The following SYT1 variants were observed in gnomAD, a reference collection of about 807,000 sequenced individuals.
SYT1 encodes the protein synaptotagmin 1.
In SYT1, 8 loss-of-function variants were observed where a neutral mutation model predicts 44.8. That is an observed-to-expected ratio of 0.18 (90% CI 0.10 to 0.32). The LOEUF is 0.32. SYT1 is among the 10% of genes least tolerant of loss of function. SYT1 has a pLI of 1.00. For synonymous variants in SYT1, 154 were observed against 188.8 expected, an observed-to-expected ratio of 0.82 and a Z score of 1.51; for missense variants, 286 against 509.3, an observed-to-expected ratio of 0.56 and a Z score of 4.22.
intron 3 of SYT1, among the ~76,000 whole-genome samples, chr12:79,112,968 C>A (rs1041579927): frequency 1.5e-4 from 23 of 152,154 alleles, no homozygotes; most frequent in Non-Finnish European, 2.2e-4. Flanking sequence ...ATAAAAGTTT[C>A]TTTAGACTCA....
intron 1 of SYT1, among the ~76,000 whole-genome samples, chr12:78,889,782 A>C (rs543799932): frequency 6.6e-6 from 1 of 152,116 alleles, no homozygotes; most frequent in Non-Finnish European, 1.5e-5. Flanking sequence ...CTTAGATTTA[A>C]ACACTTTTGG....
intron 3 of SYT1, among the ~76,000 whole-genome samples, chr12:79,214,941 ATGTGTGTGTG>A (rs71091652): frequency 0.011 from 1,624 of 148,116 alleles, 23 homozygotes; most frequent in African/African-American, 0.032. Context: ...ATGTGTGTAT[ATGTGTGTGTG>A]TGTGTGTGTG....
intron 8 of SYT1, among the ~76,000 whole-genome samples, chr12:79,331,381 C>T (rs891664504): frequency 6.6e-6 from 1 of 152,164 alleles, no homozygotes; most frequent in Non-Finnish European, 1.5e-5. Flanking sequence ...TCAAGGACTT[C>T]AACTGCCTAA....
At chr12:79,044,736 G>GT (rs1422947284) in intron 2 of SYT1, among the ~76,000 whole-genome samples, 6 of 149,472 alleles carry the variant, frequency 4.0e-5, no homozygotes, top group African/African-American at 1.2e-4. Flanking sequence ...TTTCTGTTCT[G>GT]TTTTTTCCCC....
In SYT1 at chr12:79,451,470, A is replaced by G. The variant is rs1022225919; in HGVS notation, c.*2346A>G. 1 of 152,234 alleles carries G rather than the reference A, an allele frequency of 6.6e-6. No homozygotes were observed. Among genetic ancestry groups the G allele is most frequent in the Non-Finnish European group, 1.5e-5 (1 of 68,040 alleles). 9.4% of individuals were successfully genotyped at this position (152,234 alleles called of 1,614,324 possible). On this transcript the variant is annotated 3_prime_UTR_variant, in exon 11 of 11. Coordinates refer to ENST00000261205, the MANE Select transcript of SYT1 (RefSeq NM_005639.3). The stretch of plus-strand genomic sequence containing the variant: ...TGTATTCAGCTTTAAGTTGTTCACA[A>G]TGAAACCACACTTTCAAACAAGCAG...
chr12:79,009,896 C>T (rs1871312146), intron 2 of SYT1, among the ~76,000 whole-genome samples: 1 of 152,158 alleles, frequency 6.6e-6, no homozygotes, highest in Non-Finnish European at 1.5e-5. Flanking sequence ...ACGGCATCCT[C>T]TATGTTTCAT....
At chr12:78,869,404 G>C (rs1005127698) in intron 1 of SYT1, among the ~76,000 whole-genome samples, 7 of 151,896 alleles carry the variant, frequency 4.6e-5, no homozygotes, top group Admixed American at 2.6e-4. Flanking sequence ...TATTAGAAGA[G>C]AGCATGCCAT....
intron 1 of SYT1, among the ~76,000 whole-genome samples, chr12:78,881,469 T>C (rs1415423376): frequency 6.6e-6 from 1 of 151,764 alleles, no homozygotes; most frequent in Non-Finnish European, 1.5e-5. Flanking sequence ...ATTCTTTGTA[T>C]TCCCATTTAC....
intron 3 of SYT1, among the ~76,000 whole-genome samples, chr12:79,166,258 G>A (rs1196742319): frequency 1.3e-5 from 2 of 151,984 alleles, no homozygotes; most frequent in African/African-American, 4.8e-5. Context: ...GTCAGAGTCA[G>A]TCTGTCAGGT....
At chr12:79,014,539 A>G (rs1284414826) in intron 2 of SYT1, among the ~76,000 whole-genome samples, 1 of 152,034 alleles carries the variant, frequency 6.6e-6, no homozygotes, top group East Asian at 1.9e-4. Flanking sequence ...TTAGAATGGC[A>G]ATCATTAAAA....
chr12:78,878,192 C>A lies in SYT1; in HGVS notation c.-217+13083C>A, dbSNP rs141895218. Among the ~76,000 whole-genome samples the A allele has an allele frequency of 9.9e-4, 150 of 151,200 alleles. 1 individual carries two copies. The highest frequency in any genetic ancestry group is 3.5e-3 in the African/African-American group (143 of 41,254). ...TTCTTGTAGATCGGAAGAGGATACA[C>A]GAAAGGAATAAGGGATTACCTCTTT... On this transcript the variant is annotated intron_variant, in intron 1 of 10. Coordinates refer to ENST00000261205, the MANE Select transcript of SYT1 (RefSeq NM_005639.3).
intron 2 of SYT1, among the ~76,000 whole-genome samples, chr12:78,996,549 G>A (rs1325010846): frequency 6.6e-6 from 1 of 152,080 alleles, no homozygotes; most frequent in African/African-American, 2.4e-5. Context: ...ATAGTCAAGG[G>A]TATTCTTTAA....
At position 79,325,897 on chromosome 12, in the gene SYT1, T is replaced by C. The variant is rs909141828; in HGVS notation, c.810+26346T>C. On this transcript the variant is annotated intron_variant, in intron 8 of 10. Transcript: ENST00000261205. ...TAACAAGTATGCAGTCAATATTAGC[T>C]CCCTTTCCTCTTTTCCTTCTTCCAG... Among the ~76,000 whole-genome samples, 3 of 152,200 alleles carry C rather than the reference T, an allele frequency of 2.0e-5. No individual in the cohort carries two copies. The East Asian group carries it at 5.8e-4, about 29-fold the overall frequency.
intron 3 of SYT1, among the ~76,000 whole-genome samples, chr12:79,166,633 G>T (rs942666816): frequency 1.3e-5 from 2 of 151,910 alleles, no homozygotes; most frequent in Non-Finnish European, 2.9e-5. Flanking sequence ...AACCCTGGGG[G>T]ATAACATGCT....
chr12:79,197,256 T>C (rs1268009521), intron 3 of SYT1, among the ~76,000 whole-genome samples: 3 of 152,158 alleles, frequency 2.0e-5, no homozygotes, highest in African/African-American at 4.8e-5. Flanking sequence ...ATTTATGAGA[T>C]TGATGAAGTT....
At chr12:79,041,123 A>G (rs898464910) in intron 2 of SYT1, among the ~76,000 whole-genome samples, 6 of 151,762 alleles carry the variant, frequency 4.0e-5, no homozygotes, top group African/African-American at 1.2e-4. Context: ...TTTTGGTTCC[A>G]TATGAACTTT....
chr12:79,411,010 C>T (rs1868398550), intron 9 of SYT1, among the ~76,000 whole-genome samples: 1 of 152,148 alleles, frequency 6.6e-6, no homozygotes. Flanking sequence ...CACAATTAGT[C>T]AGTATATTAG....
chr12:79,399,576 A>G (rs1010871388), intron 9 of SYT1, among the ~76,000 whole-genome samples: 1 of 152,190 alleles, frequency 6.6e-6, no homozygotes, highest in African/African-American at 2.4e-5. Flanking sequence ...AAGCAGACTA[A>G]GTGTTGTCAA....
chr12:79,301,552 C>G (rs1387210197), intron 8 of SYT1, among the ~76,000 whole-genome samples: 1 of 152,066 alleles, frequency 6.6e-6, no homozygotes, highest in Admixed American at 6.6e-5. Context: ...TAGAATAGAA[C>G]ATGAAGTACC....
Sources: gnomAD v4.1 joint callset for allele counts (sites outside exome capture counted in the v4.1 genomes callset) on GRCh38, gnomAD v4.1.1 for gene constraint, MANE v1.5 for transcripts, NCBI Gene and HGNC (gene_info 2026-07-23, HGNC 2026-07-21) for gene names.